C3orf20: variants seen among roughly 807,000 people sequenced by gnomAD.
C3orf20 encodes the protein uncharacterized protein C3orf20.
C3orf20 carries 76 observed loss-of-function variants against 88.3 expected under a neutral mutation model. The ratio of observed to expected loss-of-function variants is 0.86; its 90% CI spans 0.72 to 1.04. C3orf20 has a LOEUF of 1.04. Among genes scored for constraint, C3orf20 ranks in the 50% least tolerant of loss-of-function variants. The probability of loss-of-function intolerance (pLI) is 0.00; values close to 1 mark genes in which losing one functional copy is unlikely to be tolerated. For synonymous variants in C3orf20, 436 were observed against 437.4 expected (o/e 1.00, Z 0.04); for missense variants, 1,056 against 1,123.3 (o/e 0.94, Z 0.86).
At chr3:14,761,726 A>G in intron 15 of C3orf20, 111 bp downstream of exon 15, 9 of 467,160 alleles carry the variant, frequency 1.9e-5, no homozygotes, top group East Asian at 5.7e-5. Flanking sequence ...GGCTGAAGGG[A>G]TGGAGTGGGG....
chr3:14,705,619 T>C (rs372140723), intron 7 of C3orf20, among the ~76,000 whole-genome samples: 11 of 152,214 alleles, frequency 7.2e-5, no homozygotes, highest in Admixed American at 3.3e-4. Flanking sequence ...TACCCTATGT[T>C]CTTTGTGGGG....
rs1008079286 is a variant in C3orf20 at position 14,772,307 on chromosome 3, G to A, written c.2630+106G>A. On this transcript the variant is annotated intron_variant, in intron 16 of 16. Coordinates refer to ENST00000253697, the MANE Select transcript of C3orf20 (RefSeq NM_032137.5). This position sits in a 1 kb window ranked among gnomAD's most constrained non-coding sequence, Gnocchi z 4.2. Reference sequence around the variant, plus strand: ...TACCCCCAGGCGTGGCCTGGGTCATGTCCAACCATCGCTGACATCTAGCCC... The same window carrying A: ...TACCCCCAGGCGTGGCCTGGGTCATATCCAACCATCGCTGACATCTAGCCC... The A allele has an allele frequency of 3.5e-6, 5 of 1,419,286 alleles. No homozygotes were observed. In the South Asian group the frequency reaches 5.0e-5, roughly 14 times the overall value. 87.9% of individuals were successfully genotyped at this position (1,419,286 alleles called of 1,614,324 possible).
intron 7 of C3orf20, 117 bp from the exon 8 acceptor site, chr3:14,713,890 G>A (rs948715843): frequency 9.2e-7 from 1 of 1,092,830 alleles, no homozygotes; most frequent in South Asian, 1.5e-5. Context: ...GGTGTTTGAA[G>A]ATGGAGAATG....
At chr3:14,698,526 G>T (rs959110277) in intron 5 of C3orf20, among the ~76,000 whole-genome samples, 1 of 152,376 alleles carries the variant, frequency 6.6e-6, no homozygotes, top group Non-Finnish European at 1.5e-5. Flanking sequence ...TGCAGACTCA[G>T]AGAGGTACTG....
intron 4 of C3orf20, among the ~76,000 whole-genome samples, chr3:14,685,491 TGC>T (rs138651369): frequency 0.09 from 13,307 of 147,634 alleles, 652 homozygotes; most frequent in Middle Eastern, 0.11. Flanking sequence ...TGTGCGTGCG[TGC>T]GTGTGTGTGT....
At chr3:14,734,484 A>C (rs2034642476) in intron 12 of C3orf20, among the ~76,000 whole-genome samples, 1 of 152,094 alleles carries the variant, frequency 6.6e-6, no homozygotes, top group African/African-American at 2.4e-5. Flanking sequence ...TAACGTAATT[A>C]TACCATTTCG....
At chr3:14,713,832 G>A (rs773379550) in intron 7 of C3orf20, among the ~76,000 whole-genome samples, 175 bp from the exon 8 acceptor site, 12 of 152,178 alleles carry the variant, frequency 7.9e-5, no homozygotes, top group Non-Finnish European at 1.8e-4. Context: ...CTAGGTCATC[G>A]TTGGGTTCCA....
At chr3:14,738,630 CTTT>C (rs34407504) in intron 12 of C3orf20, among the ~76,000 whole-genome samples, 1,031 of 73,446 alleles carry the variant, frequency 0.014, 16 homozygotes, top group African/African-American at 0.062. Flanking sequence ...CATGCCCGGC[CTTT>C]TTTTTTTTTT....
At chr3:14,725,270 T>G (rs1294031411) in intron 10 of C3orf20, among the ~76,000 whole-genome samples, 1 of 152,192 alleles carries the variant, frequency 6.6e-6, no homozygotes, top group African/African-American at 2.4e-5. Flanking sequence ...CCGTGAGAGC[T>G]GCAAGGAGCT....
intron 7 of C3orf20, 80 bp from the exon 8 acceptor site, chr3:14,713,927 A>T: frequency 6.7e-7 from 1 of 1,501,628 alleles, no homozygotes; most frequent in Non-Finnish European, 9.1e-7. Flanking sequence ...ACACTTTGAC[A>T]TGTGGACTTG....
In C3orf20 at chr3:14,690,245, G is replaced by T. The variant is rs1243719930; in HGVS notation, c.745+129G>T. The T allele has an allele frequency of 2.3e-6, 3 of 1,283,878 alleles. No individual in the cohort carries two copies. In the African/African-American group the frequency reaches 4.4e-5, roughly 19 times the overall value. 79.5% of individuals were successfully genotyped at this position (1,283,878 alleles called of 1,614,324 possible). A position where few individuals can be genotyped will look rare whatever the true frequency, so the allele number is the denominator to read the frequency against. On this transcript the variant is annotated intron_variant, in intron 5 of 16. Transcript: ENST00000253697. Reference sequence around the variant, plus strand: ...TCTTCTGATTAGAAGGATACATAGCGGCTCTGCCTGGAGATCCAGCAGCTG... The same window carrying T: ...TCTTCTGATTAGAAGGATACATAGCTGCTCTGCCTGGAGATCCAGCAGCTG...
chr3:14,716,402 G>A (rs937255215), intron 9 of C3orf20, among the ~76,000 whole-genome samples: 5 of 152,164 alleles, frequency 3.3e-5, no homozygotes, highest in Non-Finnish European at 7.3e-5. Flanking sequence ...CCCACAGTGA[G>A]GGTTGTGGAC....
intron 12 of C3orf20, among the ~76,000 whole-genome samples, chr3:14,745,227 GA>G (rs1417537225): frequency 1.3e-5 from 2 of 152,108 alleles, no homozygotes; most frequent in Admixed American, 6.5e-5. Flanking sequence ...AGGACCTTCT[GA>G]CAGAGCCATT....
At chr3:14,764,691 A>T (rs2035654859) in intron 15 of C3orf20, among the ~76,000 whole-genome samples, 1 of 152,150 alleles carries the variant, frequency 6.6e-6, no homozygotes, top group South Asian at 2.1e-4. Flanking sequence ...GTCAGTGTGG[A>T]CTGTCAGCCA....
At chr3:14,730,169 G>A (rs554419902) in intron 12 of C3orf20, among the ~76,000 whole-genome samples, 1 of 152,142 alleles carries the variant, frequency 6.6e-6, no homozygotes, top group Admixed American at 6.5e-5. Flanking sequence ...TTGGTGTCTG[G>A]CATCTTTGTC....
At position 14,682,313 on chromosome 3, in the gene C3orf20, G is replaced by A. The variant is rs967071272; in HGVS notation, c.-155G>A. The A allele has an allele frequency of 1.4e-4, 23 of 168,326 alleles. No individual in the cohort carries two copies. The highest frequency in any genetic ancestry group is 2.9e-3 in the Middle Eastern group (1 of 348). The allele number at this position is 168,326 out of a possible 1,614,324, so 10.4% of individuals were successfully genotyped here. A position where few individuals can be genotyped will look rare whatever the true frequency, so the allele number is the denominator to read the frequency against. ...GACCACAAGCAGATCTTTCACCCTCGGATCTCTAGCTACAAAAGGTGCAAT... is the reference window on the plus strand; with the variant it reads ...GACCACAAGCAGATCTTTCACCCTCAGATCTCTAGCTACAAAAGGTGCAAT... On this transcript the variant is annotated 5_prime_UTR_variant, in exon 2 of 17. Transcript: ENST00000253697.
At chr3:14,711,645 T>TTC (rs1375627361) in intron 7 of C3orf20, among the ~76,000 whole-genome samples, 1 of 144,066 alleles carries the variant, frequency 6.9e-6, no homozygotes, top group East Asian at 2.0e-4. Context: ...TTTTTTTTTT[T>TTC]TTTTTTTTGA....
Position 14,690,064 on chromosome 3 carries a change from A to G in C3orf20, c.693A>G (p.Thr231=). The G allele has an allele frequency of 6.2e-7, 1 of 1,614,210 alleles. No individual in the cohort carries two copies. Among genetic ancestry groups the G allele is most frequent in the Non-Finnish European group, 8.5e-7 (1 of 1,180,036 alleles). Residue 231 remains threonine (T), a synonymous_variant, in exon 5 of 17, where the codon ACA becomes ACG. Transcript: ENST00000253697. ...ACCAGCTGATCTACCACTCTTCCAC[A>G]GCCTGTCTGAGCTTTTCTCTCTCTG... ...SPYQLIYHSS[T]ACLSFSLSAG... is the part of the protein sequence containing the mutation.
At chr3:14,683,627 C>T (rs530700800) in intron 3 of C3orf20, among the ~76,000 whole-genome samples, 1 of 152,164 alleles carries the variant, frequency 6.6e-6, no homozygotes, top group East Asian at 1.9e-4. Flanking sequence ...CCTGTAATTC[C>T]AGCACTTTGG....
Sources: allele counts gnomAD v4.1 joint callset (sites outside exome capture counted in the v4.1 genomes callset), GRCh38; gene constraint gnomAD v4.1.1; non-coding constraint Gnocchi (gnomAD v3.1); transcripts MANE v1.5; gene names NCBI Gene and HGNC (gene_info 2026-07-23, HGNC 2026-07-21).